Variants in KIAA1217 observed in about 807,000 individuals in gnomAD.
KIAA1217 encodes the protein KIAA1217, also known as sickle tail protein homolog.
Under a neutral mutation model 163.9 loss-of-function variants are expected in KIAA1217, and 88 were observed. That is an observed-to-expected ratio of 0.54 (90% CI 0.45 to 0.64). The LOEUF (loss-of-function observed/expected upper bound fraction) is 0.64. KIAA1217 is among the 30% of genes least tolerant of loss of function. KIAA1217 has a pLI of 0.00. For missense variants in KIAA1217, 2,372 were observed against 2,475.0 expected, an observed-to-expected ratio of 0.96 and a Z score of 0.88; for synonymous variants, 903 against 923.1, an observed-to-expected ratio of 0.98 and a Z score of 0.39.
At chr10:23,861,231 G>T (rs1485238057) in intron 1 of KIAA1217, among the ~76,000 whole-genome samples, 1 of 152,124 alleles carries the variant, frequency 6.6e-6, no homozygotes, top group Non-Finnish European at 1.5e-5. Flanking sequence ...ACTTTTGAAA[G>T]TTCCTGGTAG....
Position 24,002,095 on chromosome 10 carries a change from G to A in KIAA1217, c.-320-5130G>A, listed in dbSNP as rs551972739. On this transcript the variant is annotated intron_variant, in intron 1 of 18. Coordinates refer to the KIAA1217 transcript ENST00000376462. ...AACCAAGAGGCAGGCAGCTGATGCC[G>A]ACTGTGGTAAACAATCTCACGGGGC... Among the ~76,000 whole-genome samples the A allele has an allele frequency of 3.2e-4, 48 of 152,272 alleles. No homozygotes were observed. The South Asian group carries it at 8.7e-3, about 28-fold the overall frequency.
At chr10:24,419,308 T>A (rs944633448) in intron 3 of KIAA1217, among the ~76,000 whole-genome samples, 11 of 152,052 alleles carry the variant, frequency 7.2e-5, no homozygotes, top group African/African-American at 2.7e-4. Context: ...GAGTGCTCTG[T>A]GGGAGGGGAA....
intron 1 of KIAA1217, among the ~76,000 whole-genome samples, chr10:23,975,048 C>G (rs1276797319): frequency 6.6e-6 from 1 of 152,128 alleles, no homozygotes; most frequent in African/African-American, 2.4e-5. Context: ...GACAGCATGC[C>G]TTTCCTGGGT....
At chr10:24,258,546 C>A (rs563546519) in intron 2 of KIAA1217, among the ~76,000 whole-genome samples, 2 of 150,916 alleles carry the variant, frequency 1.3e-5, no homozygotes, top group East Asian at 3.9e-4. Context: ...CGTGGGCAGA[C>A]AGCACACAAA....
At chr10:23,813,981 C>T (rs992169580) in intron 1 of KIAA1217, among the ~76,000 whole-genome samples, 3 of 152,110 alleles carry the variant, frequency 2.0e-5, no homozygotes, top group East Asian at 1.9e-4. Context: ...TGATGCAGTT[C>T]GCTCAGGAAG....
At chr10:24,463,101 C>T (rs1345844160) in intron 5 of KIAA1217, among the ~76,000 whole-genome samples, 1 of 152,174 alleles carries the variant, frequency 6.6e-6, no homozygotes, top group Non-Finnish European at 1.5e-5. Flanking sequence ...AGGAGGTTGT[C>T]CTTGGCCTGG....
intron 2 of KIAA1217, among the ~76,000 whole-genome samples, chr10:24,078,773 T>TGA (rs139111913): frequency 4.0e-5 from 6 of 151,580 alleles, no homozygotes; most frequent in Middle Eastern, 3.2e-3. Context: ...GAGAGACAGA[T>TGA]GAGAGAGAGA....
At chr10:24,176,871 CG>C (rs202138983) in intron 2 of KIAA1217, among the ~76,000 whole-genome samples, 3,673 of 152,250 alleles carry the variant, frequency 0.024, 121 homozygotes, top group African/African-American at 0.082. Flanking sequence ...CCCTGCCCCA[CG>C]GGGAGGCAGC....
rs4019609 is a variant in KIAA1217 at position 23,786,538 on chromosome 10, C to CA, written c.-321+91319dup. On this transcript the variant is annotated intron_variant, in intron 1 of 18. Transcript: ENST00000376462. ...ATTTTAAAGTCTATTCAGAAGTAGC[C>CA]AAAAAAAAAAAAAAATTAGTTACAA... Among the ~76,000 whole-genome samples, 590 of 126,790 alleles carry CA rather than the reference C, an allele frequency of 4.7e-3. 1 individual carries two copies. Among genetic ancestry groups the CA allele is most frequent in the South Asian group, 0.026 (104 of 3,966 alleles). The allele number at this position is 126,790 out of a possible 152,430, so 83.2% of individuals were successfully genotyped here.
rs576742072 is a variant in KIAA1217, at chr10:24,186,545, C to G, written c.-170-33081C>G. 3.9e-5 allele frequency among the ~76,000 whole-genome samples: 6 copies of G among 152,176 alleles called. No individual in the cohort carries two copies. The East Asian group carries it at 1.2e-3, about 29-fold the overall frequency. On this transcript the variant is annotated intron_variant, in intron 2 of 18. Coordinates refer to the KIAA1217 transcript ENST00000376462. ...CCTCTTCCAATTACTTGGTTTTCTC[C>G]AGTGATAACTGTTACTTAGAAGGGG...
intron 1 of KIAA1217, among the ~76,000 whole-genome samples, chr10:23,981,479 A>C (rs1452738304): frequency 6.6e-6 from 1 of 152,188 alleles, no homozygotes; most frequent in East Asian, 1.9e-4. Context: ...CTTTAATTCA[A>C]AGGTTAATTT....
intron 2 of KIAA1217, among the ~76,000 whole-genome samples, chr10:24,095,572 C>G (rs1309234222): frequency 6.6e-6 from 1 of 152,154 alleles, no homozygotes; most frequent in Non-Finnish European, 1.5e-5. Flanking sequence ...TCTTTCTTCT[C>G]TACTCAACCT....
upstream of KIAA1217, among the ~76,000 whole-genome samples, chr10:24,205,878 T>G (rs959461005): frequency 1.2e-4 from 19 of 152,212 alleles, no homozygotes; most frequent in African/African-American, 4.6e-4. Flanking sequence ...ATGCAATTGT[T>G]TACGATTTTT....
intron 2 of KIAA1217, among the ~76,000 whole-genome samples, chr10:24,125,884 T>TA (rs2063456104): frequency 6.6e-6 from 1 of 152,342 alleles, no homozygotes; most frequent in South Asian, 2.1e-4. Flanking sequence ...TACTGTCATT[T>TA]ATTTTTGCTT....
chr10:24,456,326 T>TAC (rs1184548477), intron 5 of KIAA1217, among the ~76,000 whole-genome samples: 1 of 152,246 alleles, frequency 6.6e-6, no homozygotes, highest in Admixed American at 6.5e-5. Flanking sequence ...CTTCTGTGAA[T>TAC]ACATTCAAGT....
At chr10:24,190,977 T>C (rs1012900778) in intron 2 of KIAA1217, among the ~76,000 whole-genome samples, 1 of 152,056 alleles carries the variant, frequency 6.6e-6, no homozygotes, top group African/African-American at 2.4e-5. Context: ...GCGAATCATT[T>C]GAGCCCAGGA....
At chr10:23,979,243 C>T (rs1315440659) in intron 1 of KIAA1217, among the ~76,000 whole-genome samples, 1 of 152,176 alleles carries the variant, frequency 6.6e-6, no homozygotes, top group Admixed American at 6.6e-5. Context: ...TAAGTGGAAC[C>T]ATAAAAGTCA....
intron 11 of KIAA1217, among the ~76,000 whole-genome samples, chr10:24,520,931 C>T (rs1422778840): frequency 6.7e-6 from 1 of 150,220 alleles, no homozygotes; most frequent in Non-Finnish European, 1.5e-5. Context: ...GTGGCTCACG[C>T]CTGCAATCCT....
intron 2 of KIAA1217, among the ~76,000 whole-genome samples, chr10:24,090,164 CTT>C (rs1162687231): frequency 0.082 from 8,876 of 108,736 alleles, 348 homozygotes; most frequent in African/African-American, 0.21. Flanking sequence ...TTTTCTTTTT[CTT>C]TTTTTTTTTT....
Sources: allele counts gnomAD v4.1 joint callset (sites outside exome capture counted in the v4.1 genomes callset), GRCh38; gene constraint gnomAD v4.1.1; transcripts MANE v1.5; gene names NCBI Gene and HGNC (gene_info 2026-07-23, HGNC 2026-07-21).